Variants in ARHGAP32 observed in about 807,000 individuals in gnomAD.
The protein encoded by ARHGAP32 is rho GTPase-activating protein 32.
ARHGAP32 carries 51 observed loss-of-function variants against 186.5 expected under a neutral mutation model. The observed-to-expected ratio is 0.27, with a 90% CI of 0.22 to 0.35. The LOEUF is 0.35. ARHGAP32 is among the 10% of genes least tolerant of loss of function. The pLI is 1.00. For missense variants in ARHGAP32, 2,186 were observed against 2,623.5 expected (o/e 0.83, Z 3.64); for synonymous variants, 950 against 964.3 (o/e 0.99, Z 0.27).
chr11:129,116,903 T>C (rs1178919123), intron 5 of ARHGAP32, among the ~76,000 whole-genome samples: 1 of 151,996 alleles, frequency 6.6e-6, no homozygotes, highest in Non-Finnish European at 1.5e-5. Context: ...TACTGCACAA[T>C]TATTATGTCA....
chr11:129,182,231 G>A (rs953334239), intron 1 of ARHGAP32, among the ~76,000 whole-genome samples: 1 of 151,982 alleles, frequency 6.6e-6, no homozygotes. Flanking sequence ...GCTACAATAA[G>A]TTTGTGCATT....
intron 2 of ARHGAP32, among the ~76,000 whole-genome samples, chr11:129,139,621 C>T (rs989941684): frequency 2.6e-5 from 4 of 152,174 alleles, no homozygotes; most frequent in African/African-American, 7.2e-5. Context: ...GTAAGTCTCA[C>T]GAGATCTGAC....
chr11:129,098,276 G>GTAAA (rs1764637146), intron 5 of ARHGAP32, among the ~76,000 whole-genome samples: 1 of 151,974 alleles, frequency 6.6e-6, no homozygotes, highest in South Asian at 2.1e-4. Context: ...CTCAATAAAG[G>GTAAA]TAAATATATG....
intron 2 of ARHGAP32, among the ~76,000 whole-genome samples, chr11:129,137,100 T>C (rs911238498): frequency 2.6e-5 from 4 of 151,910 alleles, no homozygotes; most frequent in African/African-American, 4.8e-5. Context: ...TGAGGAATAC[T>C]TCAATTTATT....
chr11:129,157,814 T>A (rs1943443165), intron 2 of ARHGAP32, among the ~76,000 whole-genome samples: 1 of 152,034 alleles, frequency 6.6e-6, no homozygotes, highest in African/African-American at 2.4e-5. Flanking sequence ...GAAAAAATGT[T>A]AAGGGCAGCC....
chr11:128,969,885 C>G lies in ARHGAP32; in HGVS notation c.5328G>C (p.Arg1776=). 1.2e-6 allele frequency: 2 copies of G among 1,614,222 alleles called. No homozygotes were observed. The highest frequency in any genetic ancestry group is 1.7e-6 in the Non-Finnish European group (2 of 1,180,036). Residue 1776 remains arginine, a synonymous_variant, in exon 23 of 23, where the codon CGG becomes CGC. Transcript: ENST00000682385. The surrounding 1 kb of genome is among the most constrained non-coding windows in gnomAD (Gnocchi z 4.8). ...MQSIRRESRA[R]QKVKGPVMSQ... is the part of the protein sequence containing the mutation. ...ACATGACAGGCCCTTTCACCTTCTGCCGAGCACGGCTCTCTCTCCGGATGG... is the reference window on the plus strand; with the variant it reads ...ACATGACAGGCCCTTTCACCTTCTGGCGAGCACGGCTCTCTCTCCGGATGG...
chr11:129,234,334 C>A (rs192563365), intron 1 of ARHGAP32, among the ~76,000 whole-genome samples: 1 of 152,120 alleles, frequency 6.6e-6, no homozygotes, highest in East Asian at 1.9e-4. Context: ...ATGACTAACT[C>A]TCAAAAATGT....
In ARHGAP32 at chr11:129,062,185, C is replaced by T; in HGVS notation, c.963+95G>A. On this transcript the variant is annotated intron_variant, in intron 10 of 22. Coordinates refer to ENST00000682385, the MANE Select transcript of ARHGAP32 (RefSeq NM_001378024.1). ...TCGTTGCAGACAAAATTTCTGATGACAAAGTCCATTACCAGCACATGTAAA... is the reference window on the plus strand; with the variant it reads ...TCGTTGCAGACAAAATTTCTGATGATAAAGTCCATTACCAGCACATGTAAA... 3.0e-6 allele frequency: 3 copies of T among 997,006 alleles called. No individual in the cohort carries two copies. In the South Asian group the frequency reaches 4.3e-5, roughly 14 times the overall value. The allele number at this position is 997,006 out of a possible 1,614,324, so 61.8% of individuals were successfully genotyped here. A position where few individuals can be genotyped will look rare whatever the true frequency, so the allele number is the denominator to read the frequency against.
At chr11:129,180,664 T>C (rs1944036045) in intron 1 of ARHGAP32, among the ~76,000 whole-genome samples, 1 of 152,194 alleles carries the variant, frequency 6.6e-6, no homozygotes, top group Non-Finnish European at 1.5e-5. Flanking sequence ...ACAAATTTTA[T>C]GCTTAAAGTG....
chr11:129,071,555 A>G (rs1470378259), intron 6 of ARHGAP32, among the ~76,000 whole-genome samples: 2 of 152,074 alleles, frequency 1.3e-5, no homozygotes, highest in African/African-American at 4.8e-5. Flanking sequence ...AAGGCAAAAG[A>G]TGGTGTCGGC....
At chr11:129,075,646 T>C (rs956872998) in intron 6 of ARHGAP32, among the ~76,000 whole-genome samples, 5 of 152,184 alleles carry the variant, frequency 3.3e-5, no homozygotes, top group Admixed American at 1.3e-4. Flanking sequence ...GTACCATCAA[T>C]CAACTGGATA....
At chr11:129,170,039 CAAACCCAGTAATATACAA>C (rs1370492583) in intron 1 of ARHGAP32, among the ~76,000 whole-genome samples, 3 of 151,914 alleles carry the variant, frequency 2.0e-5, no homozygotes, top group Non-Finnish European at 4.4e-5. Context: ...AATATAAAAT[CAAACCCAGTAATATACAA>C]AAACCCAGTA....
intron 15 of ARHGAP32, among the ~76,000 whole-genome samples, chr11:128,985,354 G>A (rs1945833207): frequency 6.7e-6 from 1 of 148,992 alleles, no homozygotes; most frequent in African/African-American, 2.4e-5. Context: ...CATAAGCAAT[G>A]TCATTTTGAA....
intron 1 of ARHGAP32, among the ~76,000 whole-genome samples, chr11:129,207,937 T>C (rs1390873968): frequency 6.6e-6 from 1 of 152,168 alleles, no homozygotes; most frequent in African/African-American, 2.4e-5. Context: ...CAAAATGGGC[T>C]CTTTTGTCCT....
At chr11:129,232,899 C>A (rs906891150) in intron 1 of ARHGAP32, among the ~76,000 whole-genome samples, 1 of 152,118 alleles carries the variant, frequency 6.6e-6, no homozygotes, top group Non-Finnish European at 1.5e-5. Context: ...CTTTTACTTC[C>A]CTCTCTCTTC....
At chr11:129,045,209 A>C (rs971147671) in intron 10 of ARHGAP32, among the ~76,000 whole-genome samples, 13 of 152,192 alleles carry the variant, frequency 8.5e-5, no homozygotes, top group Admixed American at 2.0e-4. Context: ...ATGTAAACAC[A>C]GCTCTGCTAC....
intron 2 of ARHGAP32, among the ~76,000 whole-genome samples, chr11:129,153,322 C>T (rs1161988170): frequency 6.6e-6 from 1 of 152,060 alleles, no homozygotes; most frequent in African/African-American, 2.4e-5. Flanking sequence ...AAGCAGTCTA[C>T]AGATTCAATG....
At chr11:128,976,151 C>T (rs1242553434) in intron 20 of ARHGAP32, among the ~76,000 whole-genome samples, 1 of 151,576 alleles carries the variant, frequency 6.6e-6, no homozygotes, top group Non-Finnish European at 1.5e-5. Flanking sequence ...CAAATATCTT[C>T]TGCTTAACAC....
intron 5 of ARHGAP32, among the ~76,000 whole-genome samples, chr11:129,096,895 G>A (rs1941745499): frequency 6.6e-6 from 1 of 152,126 alleles, no homozygotes. Context: ...AAGACTTACA[G>A]AGAAAATTAG....
Sources: allele counts gnomAD v4.1 joint callset (sites outside exome capture counted in the v4.1 genomes callset), GRCh38; gene constraint gnomAD v4.1.1; non-coding constraint Gnocchi (gnomAD v3.1); transcripts MANE v1.5; gene names NCBI Gene and HGNC (gene_info 2026-07-23, HGNC 2026-07-21).